HUWE1: variants seen among roughly 807,000 people sequenced by gnomAD.
HUWE1 encodes E3 ubiquitin-protein ligase HUWE1.
HUWE1 carries 18 observed loss-of-function variants against 299.4 expected under a neutral mutation model. The observed-to-expected ratio is 0.06, with a 90% CI of 0.04 to 0.09. HUWE1 has a LOEUF of 0.09. Among genes scored for constraint, HUWE1 ranks in the 10% least tolerant of loss-of-function variants. The probability of loss-of-function intolerance (pLI) is 1.00; values close to 1 mark genes in which losing one functional copy is unlikely to be tolerated. For synonymous variants in HUWE1, 1,317 were observed against 1,286.1 expected (o/e 1.02, Z -0.51); for missense variants, 1,832 against 3,462.3 (o/e 0.53, Z 11.82).
intron 17 of HUWE1, among the ~76,000 whole-genome samples, chrX:53,626,588 G>A (rs782180698): frequency 1.8e-5 from 2 of 111,320 alleles, no homozygotes; most frequent in Non-Finnish European, 3.8e-5. Context: ...GGAAAGATCC[G>A]CACCGAAACT....
At chrX:53,641,501 TAA>T (rs1257377727) in intron 7 of HUWE1, among the ~76,000 whole-genome samples, 7 of 111,669 alleles carry the variant, frequency 6.3e-5, no homozygotes, top group Non-Finnish European at 1.3e-4. Context: ...GATGCTAAAA[TAA>T]AAAGTGTCAA....
chrX:53,611,500 A>G (rs2065468647), intron 23 of HUWE1, among the ~76,000 whole-genome samples: 1 of 112,096 alleles, frequency 8.9e-6, no homozygotes, highest in Non-Finnish European at 1.9e-5. Flanking sequence ...AAGTAAGATG[A>G]GTAACAGTCT....
rs139810292 is a variant in HUWE1, at chrX:53,551,081, G to A, written c.9205C>T (p.Leu3069=). 132 of 1,210,033 alleles carry A rather than the reference G, an allele frequency of 1.1e-4. No homozygotes were observed. Among genetic ancestry groups the A allele is most frequent in the Non-Finnish European group, 1.4e-4 (125 of 895,106 alleles). ...ATATCCTCTAGGACACTACGGCGCAGGTCTGAGGGCAGAGTCTGGATGAAG... is the reference window on the plus strand; with the variant it reads ...ATATCCTCTAGGACACTACGGCGCAAGTCTGAGGGCAGAGTCTGGATGAAG... ...VTFIQTLPSD[L]RRSVLEDMED... is the part of the protein sequence containing the mutation. The change falls in exon 65 of 84, where the codon CTG becomes TTG. Residue 3069 remains leucine, a synonymous_variant. Coordinates refer to ENST00000262854, the MANE Select transcript of HUWE1 (RefSeq NM_031407.7).
At chrX:53,569,859 C>A (rs1556949260) in intron 47 of HUWE1, 32 bp from the exon 48 acceptor site, 5 of 1,123,210 alleles carry the variant, frequency 4.5e-6, no homozygotes, top group Admixed American at 4.4e-5. Flanking sequence ...CATTTACTTA[C>A]AAGCACAATT....
rs2061671439 is a variant in HUWE1, at chrX:53,549,395, AGCTTTG to A, written c.9593_9598del (p.Pro3198_Lys3199del). The A allele has an allele frequency of 8.3e-7, 1 of 1,209,157 alleles. No homozygotes were observed. Among genetic ancestry groups the A allele is most frequent in the African/African-American group, 1.8e-5 (1 of 56,888 alleles). On this transcript the variant is annotated inframe_deletion, in exon 67 of 84. Coordinates refer to ENST00000262854, the MANE Select transcript of HUWE1 (RefSeq NM_031407.7). ...TACTCGGTGTAGACGGCTAGTATTG[AGCTTTG>A]GCTCATCCACAAAAAGTAGGACCAA...
intron 41 of HUWE1, 72 bp downstream of exon 41, chrX:53,584,112 ACT>A: frequency 1.0e-6 from 1 of 983,076 alleles, no homozygotes; most frequent in Non-Finnish European, 1.4e-6. Flanking sequence ...GATGAAAATA[ACT>A]CACAATGAAA....
chrX:53,680,370 C>A (rs1476078773), intron 2 of HUWE1, among the ~76,000 whole-genome samples, 184 bp from the exon 3 acceptor site: 2 of 111,943 alleles, frequency 1.8e-5, no homozygotes, highest in East Asian at 5.6e-4. Context: ...AATTCAGAAC[C>A]AACAACTCTA....
chrX:53,641,134 A>G (rs932006059), intron 7 of HUWE1, among the ~76,000 whole-genome samples: 6 of 111,783 alleles, frequency 5.4e-5, no homozygotes, highest in Admixed American at 9.5e-5. Context: ...GAAAAGTTCT[A>G]AACACATTTT....
chrX:53,651,000 G>A (rs1285360829), intron 4 of HUWE1, among the ~76,000 whole-genome samples: 4 of 111,093 alleles, frequency 3.6e-5, no homozygotes, highest in Admixed American at 9.6e-5. Context: ...CTTGCTGGAC[G>A]TTTACTGGGT....
rs140165465 is a variant in HUWE1, at chrX:53,539,703, C to T, written c.11586G>A (p.Glu3862=). 1.1e-4 allele frequency: 139 copies of T among 1,209,913 alleles called. No homozygotes were observed. The highest frequency in any genetic ancestry group is 5.7e-4 in the Admixed American group (26 of 45,812). The change falls in exon 75 of 84, where the codon GAG becomes GAA. Residue 3862 remains glutamate, a synonymous_variant. Transcript: ENST00000262854. ...GGGATTCCTCTAGTTCCTTTAGACA[C>T]TCCCCAAGCATGTCCCACAGCTCGT... The part of the protein sequence containing the change: ...SLDELWDMLG[E]CLKELEESHD...
intron 11 of HUWE1, 115 bp downstream of exon 11, chrX:53,631,298 TG>T: frequency 1.7e-6 from 1 of 601,142 alleles, no homozygotes; most frequent in Non-Finnish European, 2.7e-6. Context: ...AATTTGCCCA[TG>T]GTCTGACTCC....
intron 8 of HUWE1, among the ~76,000 whole-genome samples, chrX:53,633,710 C>T (rs1167706471): frequency 5.3e-5 from 6 of 112,454 alleles, no homozygotes; most frequent in African/African-American, 1.9e-4. Context: ...TGTTTTGTAG[C>T]TCCACAGCAA....
chrX:53,551,668 C>T (rs1204834612), intron 63 of HUWE1, among the ~76,000 whole-genome samples, 188 bp from the exon 64 acceptor site: 1 of 111,044 alleles, frequency 9.0e-6, no homozygotes, highest in Non-Finnish European at 1.9e-5. Context: ...CACCAAAATG[C>T]CTGGCTAATT....
chrX:53,685,728 A>G (rs966006577), intron 2 of HUWE1, among the ~76,000 whole-genome samples: 17 of 112,144 alleles, frequency 1.5e-4, no homozygotes, highest in African/African-American at 4.9e-4. Flanking sequence ...AGTGTAAATT[A>G]GTACAGGCTT....
intron 46 of HUWE1, 23 bp from the exon 47 acceptor site, chrX:53,573,987 G>A: frequency 8.7e-7 from 1 of 1,149,424 alleles, no homozygotes; most frequent in Non-Finnish European, 1.2e-6. Flanking sequence ...GTCAAACACT[G>A]GTTCAATTCC....
At chrX:53,611,041 G>A (rs2065428508) in intron 23 of HUWE1, among the ~76,000 whole-genome samples, 1 of 110,390 alleles carries the variant, frequency 9.1e-6, no homozygotes, top group Admixed American at 9.7e-5. Context: ...ACTACTTGTG[G>A]TGAGTGAGTC....
At chrX:53,620,589 A>G (rs1052925049) in intron 19 of HUWE1, among the ~76,000 whole-genome samples, 4 of 111,717 alleles carry the variant, frequency 3.6e-5, no homozygotes, top group African/African-American at 1.3e-4. Flanking sequence ...ATAGAGGCAT[A>G]ATGGCTTGTT....
At chrX:53,618,572 T>G (rs782210817) in intron 19 of HUWE1, among the ~76,000 whole-genome samples, 1 of 107,996 alleles carries the variant, frequency 9.3e-6, no homozygotes, top group African/African-American at 3.4e-5. Context: ...TTTCTTTTTT[T>G]TTTTTTTTTT....
chrX:53,539,973 T>A (rs191659752), intron 74 of HUWE1, among the ~76,000 whole-genome samples, 161 bp from the exon 75 acceptor site: 2 of 112,575 alleles, frequency 1.8e-5, no homozygotes, highest in East Asian at 5.6e-4. Context: ...GTCTAGGACC[T>A]GCATTGGATG....
Sources: gnomAD v4.1 joint callset for allele counts (sites outside exome capture counted in the v4.1 genomes callset) on GRCh38, gnomAD v4.1.1 for gene constraint, MANE v1.5 for transcripts, NCBI Gene and HGNC (gene_info 2026-07-23, HGNC 2026-07-21) for gene names.